IQGAP1: variants seen among roughly 807,000 people sequenced by gnomAD.
IQGAP1 encodes the protein IQ motif containing GTPase activating protein 1, also known as ras GTPase-activating-like protein IQGAP1.
IQGAP1 carries 66 observed loss-of-function variants against 215.6 expected under a neutral mutation model. The observed-to-expected ratio is 0.31, with a 90% CI of 0.25 to 0.38. IQGAP1 has a LOEUF of 0.38. Ranked by LOEUF, IQGAP1 falls within the 10% of genes least tolerant of loss-of-function variation. The pLI, the probability that IQGAP1 is intolerant of heterozygous loss-of-function variation, is 1.00. For missense variants in IQGAP1, 1,712 were observed against 1,997.1 expected, an observed-to-expected ratio of 0.86 and a Z score of 2.72; for synonymous variants, 772 against 728.7, an observed-to-expected ratio of 1.06 and a Z score of -0.96.
chr15:90,453,453 A>C (rs1252891930), intron 13 of IQGAP1, among the ~76,000 whole-genome samples, 161 bp downstream of exon 13: 1 of 152,228 alleles, frequency 6.6e-6, no homozygotes, highest in Non-Finnish European at 1.5e-5. Context: ...TATGCTGAAA[A>C]ATATGACATT....
Position 90,501,587 on chromosome 15 carries a change from G to C in IQGAP1, c.*1479G>C, listed in dbSNP as rs1263547635. ...AGTGTGTCCCTATTATAAATGCATTGGAGAAGTATTTTTATGAGACTCTTT... is the reference window on the plus strand; with the variant it reads ...AGTGTGTCCCTATTATAAATGCATTCGAGAAGTATTTTTATGAGACTCTTT... On this transcript the variant is annotated 3_prime_UTR_variant, in exon 38 of 38. Transcript: ENST00000268182. 1 of 152,148 alleles carries C rather than the reference G, an allele frequency of 6.6e-6. No individual in the cohort carries two copies. Among genetic ancestry groups the C allele is most frequent in the Non-Finnish European group, 1.5e-5 (1 of 68,038 alleles). 9.4% of individuals were successfully genotyped at this position (152,148 alleles called of 1,614,324 possible).
intron 37 of IQGAP1, among the ~76,000 whole-genome samples, chr15:90,499,363 T>G (rs1966313275): frequency 6.6e-6 from 1 of 152,142 alleles, no homozygotes; most frequent in South Asian, 2.1e-4. Flanking sequence ...TCATAAAAAT[T>G]TTTGTGAGGA....
At chr15:90,444,243 CTGTGTGTGTGTGTGTGTGTG>C (rs34494521) in intron 9 of IQGAP1, among the ~76,000 whole-genome samples, 2 of 126,944 alleles carry the variant, frequency 1.6e-5, no homozygotes, top group Admixed American at 8.4e-5. Flanking sequence ...TCCTTCAAAA[CTGTGTGTGTGTGTGTGTGTG>C]TGTGTGTGTG....
intron 2 of IQGAP1, among the ~76,000 whole-genome samples, chr15:90,403,307 G>A (rs912687539): frequency 1.3e-5 from 2 of 152,168 alleles, no homozygotes; most frequent in African/African-American, 4.8e-5. Context: ...TTTCATAATT[G>A]ATAGTTTAAA....
chr15:90,396,962 C>T (rs1167044493), intron 2 of IQGAP1, among the ~76,000 whole-genome samples: 4 of 152,028 alleles, frequency 2.6e-5, no homozygotes, highest in African/African-American at 2.4e-5. Context: ...AAACGATTCT[C>T]CTTCCTCACC....
chr15:90,465,151 A>G (rs1330776644), intron 15 of IQGAP1, among the ~76,000 whole-genome samples: 1 of 152,208 alleles, frequency 6.6e-6, no homozygotes, highest in Non-Finnish European at 1.5e-5. Flanking sequence ...CTGATTTAAC[A>G]TTCAAGTTTT....
At chr15:90,415,529 A>G (rs560010149) in intron 2 of IQGAP1, among the ~76,000 whole-genome samples, 1 of 152,082 alleles carries the variant, frequency 6.6e-6, no homozygotes, top group East Asian at 1.9e-4. Context: ...TTCTTTTTTA[A>G]AAAATTCTCT....
At chr15:90,444,275 G>GTA (rs1217754107) in intron 9 of IQGAP1, among the ~76,000 whole-genome samples, 2 of 115,426 alleles carry the variant, frequency 1.7e-5, no homozygotes, top group East Asian at 7.1e-4. Flanking sequence ...GTGTGTGTGT[G>GTA]TGTGTATATA....
chr15:90,406,709 A>T (rs1340267960), intron 2 of IQGAP1, among the ~76,000 whole-genome samples: 1 of 152,166 alleles, frequency 6.6e-6, no homozygotes, highest in Non-Finnish European at 1.5e-5. Flanking sequence ...TTAGGATTTT[A>T]CTTGTTTCTA....
chr15:90,476,818 A>G lies in IQGAP1; in HGVS notation c.2940A>G (p.Gln980=). The G allele has an allele frequency of 6.3e-7, 1 of 1,585,288 alleles. No individual in the cohort carries two copies. The highest frequency in any genetic ancestry group is 8.5e-7 in the Non-Finnish European group (1 of 1,173,510). Residue 980 remains glutamine, a splice_region_variant and synonymous_variant, in exon 24 of 38, where the codon CAA becomes CAG. Coordinates refer to ENST00000268182, the MANE Select transcript of IQGAP1 (RefSeq NM_003870.4). ...EAYQHLFYLL[Q]TNPTYLAKLI... is the part of the protein sequence containing the mutation. Reference sequence around the variant, plus strand: ...ACCAGCACCTGTTTTATTTATTGCAAGTAAGTGGCTCCTGGAATCAGTGTT... The same window carrying G: ...ACCAGCACCTGTTTTATTTATTGCAGGTAAGTGGCTCCTGGAATCAGTGTT...
intron 18 of IQGAP1, among the ~76,000 whole-genome samples, chr15:90,468,499 C>A (rs999571850): frequency 6.6e-6 from 1 of 152,210 alleles, no homozygotes; most frequent in African/African-American, 2.4e-5. Flanking sequence ...TGTCAAAATT[C>A]TTTCCTTCCC....
In IQGAP1 at chr15:90,388,367, G is replaced by T; in HGVS notation, c.26G>T (p.Gly9Val). MSAADEVD[G>V]LGVARPHYGS... is the part of the protein sequence containing the mutation. ...ATGTCCGCCGCAGACGAGGTTGACG[G>T]GCTGGGCGTGGCCCGGCCGCACTAT... Residue 9 changes from glycine (G) to valine (V), a missense_variant, in exon 1 of 38, where the codon GGG becomes GTG. Physicochemically the swap from Gly to Val is moderately radical, Grantham distance 109 (BLOSUM62 -3). Coordinates refer to ENST00000268182, the MANE Select transcript of IQGAP1 (RefSeq NM_003870.4). 6.3e-7 allele frequency: 1 copy of T among 1,593,306 alleles called. No homozygotes were observed.
chr15:90,481,650 A>G (rs1055275783), intron 26 of IQGAP1, among the ~76,000 whole-genome samples: 1 of 152,160 alleles, frequency 6.6e-6, no homozygotes, highest in African/African-American at 2.4e-5. Flanking sequence ...TTTACAGCAC[A>G]ATAGGTTTAT....
In IQGAP1 at chr15:90,440,551, G is replaced by A; in HGVS notation, c.585G>A (p.Gln195=). The A allele has an allele frequency of 1.1e-5, 17 of 1,572,056 alleles. No homozygotes were observed. The highest frequency in any genetic ancestry group is 1.5e-5 in the Non-Finnish European group (17 of 1,157,026). The change falls in exon 7 of 38, where the codon CAG becomes CAA. Residue 195 remains glutamine, a synonymous_variant. Transcript: ENST00000268182. The part of the protein sequence containing the change: ...MKTELEKYGI[Q]MPAFSKIGGI... ...CTGAGTTGGAGAAGTATGGCATCCA[G>A]ATGCCTGCCTTTAGCAAGATTGGGG...
chr15:90,449,271 G>A (rs964828146), intron 10 of IQGAP1, among the ~76,000 whole-genome samples: 1 of 152,066 alleles, frequency 6.6e-6, no homozygotes, highest in South Asian at 2.1e-4. Context: ...AAAGTAAGTA[G>A]CATTAACGTG....
chr15:90,492,419 TAA>T (rs56724183), intron 34 of IQGAP1, 124 bp from the exon 35 acceptor site: 27,384 of 363,866 alleles, frequency 0.075, 1 homozygote, highest in South Asian at 0.11. Context: ...ACAGAGTGTC[TAA>T]AAAAAAAAAA....
At chr15:90,467,671 C>A in intron 18 of IQGAP1, 79 bp downstream of exon 18, 2 of 1,419,980 alleles carry the variant, frequency 1.4e-6, no homozygotes, top group Non-Finnish European at 1.9e-6. Flanking sequence ...AGGAACAGGG[C>A]ATGTGGTCAG....
At chr15:90,397,803 A>G (rs558841814) in intron 2 of IQGAP1, 3 of 151,740 alleles carry the variant, frequency 2.0e-5, no homozygotes, top group African/African-American at 7.3e-5. Flanking sequence ...GGCGTGAGCC[A>G]CCACGCCCGG....
chr15:90,456,297 G>T lies in IQGAP1; in HGVS notation c.1758G>T (p.Ala586=), dbSNP rs187569996. 6.2e-7 allele frequency: 1 copy of T among 1,613,890 alleles called. No individual in the cohort carries two copies. Among genetic ancestry groups the T allele is most frequent in the Non-Finnish European group, 8.5e-7 (1 of 1,179,942 alleles). Residue 586 remains alanine (A), a synonymous_variant, in exon 15 of 38, where the codon GCG becomes GCT. Transcript: ENST00000268182. The part of the protein sequence containing the change: ...AQHYQDTLIR[A]KREKAQEIQD... ...ATTACCAAGACACGCTGATTAGAGC[G>T]AAGAGAGAGAAAGCCCAGGTGAGTG...
Sources: gnomAD v4.1 joint callset for allele counts (sites outside exome capture counted in the v4.1 genomes callset) on GRCh38, gnomAD v4.1.1 for gene constraint, MANE v1.5 for transcripts, NCBI Gene and HGNC (gene_info 2026-07-23, HGNC 2026-07-21) for gene names.